The following NT5DC1 variants were observed in gnomAD, a reference collection of about 807,000 sequenced individuals.
The protein encoded by NT5DC1 is 5'-nucleotidase domain-containing protein 1.
NT5DC1 carries 42 observed loss-of-function variants against 59.4 expected under a neutral mutation model. The ratio of observed to expected loss-of-function variants is 0.71; its 90% CI spans 0.55 to 0.92. NT5DC1 has a LOEUF of 0.92. Among genes scored for constraint, NT5DC1 ranks in the 40% least tolerant of loss-of-function variants. NT5DC1 has a pLI of 0.00. For synonymous variants in NT5DC1, 172 were observed against 188.1 expected (o/e 0.91, Z 0.70); for missense variants, 501 against 537.1 (o/e 0.93, Z 0.66).
At chr6:116,143,657 A>G (rs1779820042) in intron 6 of NT5DC1, among the ~76,000 whole-genome samples, 1 of 152,052 alleles carries the variant, frequency 6.6e-6, no homozygotes, top group South Asian at 2.1e-4. Context: ...ATTGCTGTTA[A>G]TTTAATATTT....
At chr6:116,230,430 T>C (rs1781996365) in intron 8 of NT5DC1, among the ~76,000 whole-genome samples, 1 of 152,242 alleles carries the variant, frequency 6.6e-6, no homozygotes, top group Admixed American at 6.5e-5. Flanking sequence ...TTATATCAAG[T>C]TTTTGTTCTC....
At chr6:116,117,976 C>A in intron 6 of NT5DC1, 31 bp downstream of exon 6, 2 of 1,064,264 alleles carry the variant, frequency 1.9e-6, no homozygotes, top group Non-Finnish European at 2.9e-6. Context: ...CCTTCTAATA[C>A]GTGTTTGTTA....
intron 6 of NT5DC1, among the ~76,000 whole-genome samples, chr6:116,184,920 TG>T (rs2114481022): frequency 6.6e-6 from 1 of 152,194 alleles, no homozygotes; most frequent in African/African-American, 2.4e-5. Flanking sequence ...CTGCTGGGTT[TG>T]GGTTTGGTTT....
chr6:116,227,120 ATCTCCT>A (rs1781925770), intron 8 of NT5DC1, among the ~76,000 whole-genome samples: 1 of 152,176 alleles, frequency 6.6e-6, no homozygotes, highest in Non-Finnish European at 1.5e-5. Flanking sequence ...TTTGACCAAC[ATCTCCT>A]AATACCCCTA....
At chr6:116,201,084 T>G (rs1781337183) in intron 6 of NT5DC1, among the ~76,000 whole-genome samples, 1 of 151,894 alleles carries the variant, frequency 6.6e-6, no homozygotes, top group Non-Finnish European at 1.5e-5. Flanking sequence ...AGGAGTGAAG[T>G]ACCAACTTGC....
At position 116,246,123 on chromosome 6, in the gene NT5DC1, ATATT is replaced by A. The variant is rs1203065816; in HGVS notation, c.*2100_*2103del. The A allele has an allele frequency of 6.6e-6, 1 of 152,152 alleles. No homozygotes were observed. Among genetic ancestry groups the A allele is most frequent in the African/African-American group, 2.4e-5 (1 of 41,460 alleles). The allele number at this position is 152,152 out of a possible 1,614,324, so 9.4% of individuals were successfully genotyped here. A position where few individuals can be genotyped will look rare whatever the true frequency, so the allele number is the denominator to read the frequency against. Reference sequence around the variant, plus strand: ...CAAATCCATAAAAATTAAAAAGAAAATATTAAAGAAGTTATATGAAGCAAAAAAA... The same window carrying A: ...CAAATCCATAAAAATTAAAAAGAAAAAAAGAAGTTATATGAAGCAAAAAAA... On this transcript the variant is annotated 3_prime_UTR_variant, in exon 12 of 12. Coordinates refer to ENST00000319550, the MANE Select transcript of NT5DC1 (RefSeq NM_152729.3).
At chr6:116,199,998 G>GC (rs1562161634) in intron 6 of NT5DC1, among the ~76,000 whole-genome samples, 1,729 of 113,396 alleles carry the variant, frequency 0.015, 51 homozygotes, top group African/African-American at 0.093. Context: ...AGTATGGAAA[G>GC]TGGGGGGGGA....
chr6:116,177,743 A>G (rs577811677), intron 6 of NT5DC1, among the ~76,000 whole-genome samples: 1 of 152,066 alleles, frequency 6.6e-6, no homozygotes, highest in East Asian at 1.9e-4. Flanking sequence ...TTAAATAATA[A>G]TATTCTAAAA....
At chr6:116,134,219 CAG>C (rs1430168665) in intron 6 of NT5DC1, among the ~76,000 whole-genome samples, 1 of 152,158 alleles carries the variant, frequency 6.6e-6, no homozygotes, top group East Asian at 1.9e-4. Flanking sequence ...AAATAATTGT[CAG>C]ACTTTTTCTG....
At chr6:116,206,498 G>A (rs183934583) in intron 6 of NT5DC1, among the ~76,000 whole-genome samples, 1 of 151,944 alleles carries the variant, frequency 6.6e-6, no homozygotes, top group African/African-American at 2.4e-5. Flanking sequence ...GAACACTGGA[G>A]ACCATATCCT....
At chr6:116,120,393 A>G in intron 6 of NT5DC1, 2 of 1,614,256 alleles carry the variant, frequency 1.2e-6, no homozygotes, top group Non-Finnish European at 8.5e-7. Flanking sequence ...CTGTTATACA[A>G]AATTTTATCA....
intron 6 of NT5DC1, among the ~76,000 whole-genome samples, chr6:116,136,092 C>A (rs553862171): frequency 6.6e-6 from 1 of 152,066 alleles, no homozygotes; most frequent in African/African-American, 2.4e-5. Context: ...CTCCCTGTGA[C>A]CCTCCACTCT....
At chr6:116,209,319 C>T (rs1172699073) in intron 6 of NT5DC1, among the ~76,000 whole-genome samples, 5 of 151,880 alleles carry the variant, frequency 3.3e-5, no homozygotes, top group African/African-American at 1.2e-4. Context: ...GTTTGCCAAC[C>T]TCTGGTCTTT....
intron 6 of NT5DC1, chr6:116,120,742 G>A (rs1184523719): frequency 6.3e-7 from 1 of 1,595,118 alleles, no homozygotes; most frequent in Admixed American, 1.8e-5. Context: ...ATCCTGGAAT[G>A]CCTGGTGGCC....
chr6:116,137,519 G>A, intron 6 of NT5DC1: 1 of 209,736 alleles, frequency 4.8e-6, no homozygotes, highest in South Asian at 9.1e-5. Context: ...TCTCCCTAAT[G>A]TATTTCACAG....
chr6:116,244,776 G>A lies in NT5DC1; in HGVS notation c.*752G>A, dbSNP rs1387675015. ...GACTTATTCTCTGTTCATACAGCAA[G>A]TATGGAAAAAAGATGATCTAGAAGT... On this transcript the variant is annotated 3_prime_UTR_variant, in exon 12 of 12. Coordinates refer to ENST00000319550, the MANE Select transcript of NT5DC1 (RefSeq NM_152729.3). 1 of 152,160 alleles carries A rather than the reference G, an allele frequency of 6.6e-6. No individual in the cohort carries two copies. 9.4% of individuals were successfully genotyped at this position (152,160 alleles called of 1,614,324 possible).
intron 6 of NT5DC1, among the ~76,000 whole-genome samples, chr6:116,168,442 CT>C (rs745717024): frequency 1.6e-4 from 24 of 151,782 alleles, no homozygotes; most frequent in Non-Finnish European, 3.2e-4. Flanking sequence ...CCATTTAGTT[CT>C]TTTTCTATTT....
At chr6:116,143,749 AG>A (rs1779822140) in intron 6 of NT5DC1, among the ~76,000 whole-genome samples, 1 of 152,190 alleles carries the variant, frequency 6.6e-6, no homozygotes, top group Non-Finnish European at 1.5e-5. Context: ...GGATAAGCCT[AG>A]GAAGTAAGTT....
At chr6:116,140,537 G>T (rs1473573216) in intron 6 of NT5DC1, among the ~76,000 whole-genome samples, 1 of 152,070 alleles carries the variant, frequency 6.6e-6, no homozygotes, top group African/African-American at 2.4e-5. Context: ...CTGCTACCCA[G>T]CAAAAGAAAC....
Sources: gnomAD v4.1 joint callset for allele counts (sites outside exome capture counted in the v4.1 genomes callset) on GRCh38, gnomAD v4.1.1 for gene constraint, MANE v1.5 for transcripts, NCBI Gene and HGNC (gene_info 2026-07-23, HGNC 2026-07-21) for gene names.